The following RARB variants were observed in gnomAD, a reference collection of about 807,000 sequenced individuals.
RARB encodes HBV-activated protein.
A neutral mutation model predicts 51.9 loss-of-function variants in RARB; 17 were observed. The observed-to-expected ratio is 0.33, with a 90% CI of 0.22 to 0.49. RARB has a LOEUF of 0.49. Among genes scored for constraint, RARB ranks in the 20% least tolerant of loss-of-function variants. The pLI is 0.99. For synonymous variants in RARB, 215 were observed against 195.4 expected, an observed-to-expected ratio of 1.10 and a Z score of -0.84; for missense variants, 369 against 550.8, an observed-to-expected ratio of 0.67 and a Z score of 3.30.
chr3:25,315,520 G>A (rs758561257), intron 5 of RARB, among the ~76,000 whole-genome samples: 4 of 152,010 alleles, frequency 2.6e-5, no homozygotes, highest in Admixed American at 6.6e-5. Flanking sequence ...ACCTAATTTG[G>A]CCAAAAGGAA....
At chr3:25,258,541 G>T (rs986644070) in intron 5 of RARB, among the ~76,000 whole-genome samples, 1 of 152,104 alleles carries the variant, frequency 6.6e-6, no homozygotes, top group Non-Finnish European at 1.5e-5. Context: ...CAGCCCAGGG[G>T]AGTACCAACC....
At chr3:24,924,486 T>C (rs140487587) in intron 2 of RARB, among the ~76,000 whole-genome samples, 108 of 152,280 alleles carry the variant, frequency 7.1e-4, no homozygotes, top group African/African-American at 2.5e-3. Context: ...ACTGGAAATA[T>C]GGGTAATGTG....
intron 3 of RARB, among the ~76,000 whole-genome samples, chr3:25,116,594 G>A (rs1484686755): frequency 1.3e-5 from 2 of 151,778 alleles, no homozygotes; most frequent in African/African-American, 4.8e-5. Context: ...TTAAAGAAAA[G>A]GCTTCTGCCT....
intron 2 of RARB, among the ~76,000 whole-genome samples, chr3:24,906,617 CA>C (rs1296660573): frequency 6.6e-6 from 1 of 151,912 alleles, no homozygotes; most frequent in African/African-American, 2.4e-5. Flanking sequence ...TTGAGGCGGG[CA>C]GATCACCTGA....
At chr3:25,236,828 A>G (rs1409797853) in intron 5 of RARB, among the ~76,000 whole-genome samples, 1 of 151,868 alleles carries the variant, frequency 6.6e-6, no homozygotes, top group Non-Finnish European at 1.5e-5. Flanking sequence ...ACTTTTTTGA[A>G]TGTAAGTATT....
chr3:25,371,445 C>T (rs1012392058), intron 5 of RARB, among the ~76,000 whole-genome samples: 2 of 152,052 alleles, frequency 1.3e-5, no homozygotes, highest in African/African-American at 2.4e-5. Flanking sequence ...CCTGAGGGTT[C>T]CTTAAGGACT....
chr3:24,879,419 A>T (rs1559380659), intron 2 of RARB, among the ~76,000 whole-genome samples: 1 of 144,552 alleles, frequency 6.9e-6, no homozygotes, highest in African/African-American at 2.6e-5. Context: ...ACAGAGCAAG[A>T]CTCTGTCTCA....
intron 3 of RARB, among the ~76,000 whole-genome samples, chr3:25,090,695 T>C (rs1020243292): frequency 1.3e-5 from 2 of 152,090 alleles, no homozygotes; most frequent in African/African-American, 2.4e-5. Flanking sequence ...CAGACAAAAA[T>C]ACTCATGGTA....
At chr3:24,901,455 G>A (rs1327140018) in intron 2 of RARB, among the ~76,000 whole-genome samples, 1 of 152,028 alleles carries the variant, frequency 6.6e-6, no homozygotes, top group Non-Finnish European at 1.5e-5. Context: ...AGCCCAGGCT[G>A]GCCTGGAATT....
At chr3:25,575,869 G>A (rs1451670056) in intron 4 of RARB, among the ~76,000 whole-genome samples, 1 of 152,186 alleles carries the variant, frequency 6.6e-6, no homozygotes, top group Non-Finnish European at 1.5e-5. Context: ...AACACCTAGT[G>A]AGTGCAGAAC....
chr3:25,555,620 A>G (rs1467072576), intron 3 of RARB: 1 of 152,224 alleles, frequency 6.6e-6, no homozygotes, highest in African/African-American at 2.4e-5. Context: ...CACATTAAGA[A>G]TTGACTGCAC....
intron 2 of RARB, among the ~76,000 whole-genome samples, chr3:24,899,516 A>T (rs1305498601): frequency 6.6e-6 from 1 of 152,196 alleles, no homozygotes; most frequent in Non-Finnish European, 1.5e-5. Context: ...ATCTCTTGAC[A>T]TCAGTCTCTC....
intron 2 of RARB, among the ~76,000 whole-genome samples, chr3:24,908,631 T>C (rs1209555579): frequency 6.8e-6 from 1 of 146,108 alleles, no homozygotes; most frequent in Non-Finnish European, 1.5e-5. Context: ...TTTCTAGCTC[T>C]AAAATTTGTA....
At chr3:25,337,613 C>T (rs1403932594) in intron 5 of RARB, among the ~76,000 whole-genome samples, 2 of 152,128 alleles carry the variant, frequency 1.3e-5, no homozygotes, top group Non-Finnish European at 2.9e-5. Context: ...CAAATCTTTA[C>T]GTGGCTCTTC....
At chr3:24,862,888 C>T (rs1486324539) in intron 2 of RARB, among the ~76,000 whole-genome samples, 1 of 152,152 alleles carries the variant, frequency 6.6e-6, no homozygotes, top group Non-Finnish European at 1.5e-5. Flanking sequence ...GCAGGTCATT[C>T]AGTTACATAG....
chr3:25,304,999 C>G lies in RARB; in HGVS notation c.178+130424C>G, dbSNP rs907764623. The stretch of plus-strand genomic sequence containing the variant: ...TCAGGGTTGCTGTACCCTACAGGTG[C>G]CATTACAGTTCAGAAACTGAGATAC... On this transcript the variant is annotated intron_variant, in intron 5 of 11. Transcript: ENST00000383772. 3.9e-5 allele frequency among the ~76,000 whole-genome samples: 6 copies of G among 152,146 alleles called. No homozygotes were observed. In the East Asian group the frequency reaches 1.2e-3, roughly 29 times the overall value.
At chr3:25,043,598 G>GGA (rs1698155069) in intron 2 of RARB, among the ~76,000 whole-genome samples, 1 of 152,170 alleles carries the variant, frequency 6.6e-6, no homozygotes, top group Admixed American at 6.5e-5. Flanking sequence ...TTCCTCCCAT[G>GGA]GAGTTCAGGG....
In RARB at chr3:24,945,577, C is replaced by T. The variant is rs189441910; in HGVS notation, c.-380+86825C>T. The stretch of plus-strand genomic sequence containing the variant: ...TCTCTGGGTGTCTTGTTTATCCAGT[C>T]CCTGTAGTACTGAAGAAAGATGACT... On this transcript the variant is annotated intron_variant, in intron 2 of 11. Transcript: ENST00000383772. Among the ~76,000 whole-genome samples, 269 of 152,320 alleles carry T rather than the reference C, an allele frequency of 1.8e-3. 2 individuals are homozygous for T. The highest frequency in any genetic ancestry group is 1.5e-3 in the Non-Finnish European group (100 of 68,030).
intron 5 of RARB, among the ~76,000 whole-genome samples, chr3:25,584,057 G>T (rs541326151): frequency 3.9e-5 from 6 of 152,046 alleles, no homozygotes; most frequent in Non-Finnish European, 7.4e-5. Context: ...ACGTAATTAG[G>T]ATCAAGTCTC....
Sources: gnomAD v4.1 joint callset for allele counts (sites outside exome capture counted in the v4.1 genomes callset) on GRCh38, gnomAD v4.1.1 for gene constraint, MANE v1.5 for transcripts, NCBI Gene and HGNC (gene_info 2026-07-23, HGNC 2026-07-21) for gene names.